The following MRPS5 variants were observed in gnomAD, a reference collection of about 807,000 sequenced individuals.
The protein encoded by MRPS5 is small ribosomal subunit protein uS5m.
In MRPS5, 27 loss-of-function variants were observed where a neutral mutation model predicts 51.9. The observed-to-expected ratio is 0.52, with a 90% CI of 0.38 to 0.72. The LOEUF (loss-of-function observed/expected upper bound fraction) is 0.72. Among genes scored for constraint, MRPS5 ranks in the 30% least tolerant of loss-of-function variants. The pLI, the probability that MRPS5 is intolerant of heterozygous loss-of-function variation, is 0.00. For missense variants in MRPS5, 570 were observed against 545.7 expected (o/e 1.04, Z -0.44); for synonymous variants, 196 against 193.2 (o/e 1.01, Z -0.12).
chr2:95,089,665 A>C (rs561333399), intron 11 of MRPS5, among the ~76,000 whole-genome samples: 2 of 152,156 alleles, frequency 1.3e-5, no homozygotes, highest in Non-Finnish European at 2.9e-5. Context: ...GGTAACAGGG[A>C]ACTGACTGTG....
Position 95,087,341 on chromosome 2 carries a change from C to T in MRPS5, c.*16G>A. Reference sequence around the variant, plus strand: ...TGCAGGGCAGCACAGGAACTGGCTGCACAAGGCCAGAGAGGTTACGTGGCG... The same window carrying T: ...TGCAGGGCAGCACAGGAACTGGCTGTACAAGGCCAGAGAGGTTACGTGGCG... On this transcript the variant is annotated 3_prime_UTR_variant, in exon 12 of 12. Transcript: ENST00000272418. The T allele has an allele frequency of 1.2e-6, 2 of 1,610,984 alleles. No individual in the cohort carries two copies. The highest frequency in any genetic ancestry group is 2.2e-5 in the East Asian group (1 of 44,864).
chr2:95,099,161 G>A (rs1392399954), intron 10 of MRPS5, among the ~76,000 whole-genome samples: 4 of 150,608 alleles, frequency 2.7e-5, no homozygotes, highest in East Asian at 1.9e-4. Flanking sequence ...CTCGTGATCC[G>A]ACCACCTCAG....
chr2:95,121,772 G>C lies in MRPS5; in HGVS notation c.20C>G (p.Ala7Gly), dbSNP rs1381814142. The change falls in exon 1 of 12, where the codon GCT becomes GGT. Residue 7 changes from alanine to glycine, a missense_variant. Ala to Gly is a moderately conservative substitution (Grantham distance 60). Transcript: ENST00000272418. Reference sequence around the variant, plus strand: ...ACACAGCACGGGGAGGCAGCCCACAGCGCGCACCGCGGTCGCCATGCTGGA... The same window carrying C: ...ACACAGCACGGGGAGGCAGCCCACACCGCGCACCGCGGTCGCCATGCTGGA... MATAVR[A>G]VGCLPVLCSG... 6.4e-7 allele frequency: 1 copy of C among 1,552,116 alleles called. No individual in the cohort carries two copies. Among genetic ancestry groups the C allele is most frequent in the Non-Finnish European group, 8.6e-7 (1 of 1,158,484 alleles).
In MRPS5 at chr2:95,090,093, C is replaced by T. The variant is rs571631542; in HGVS notation, c.1068+293G>A. On this transcript the variant is annotated intron_variant, in intron 11 of 11. Coordinates refer to ENST00000272418, the MANE Select transcript of MRPS5 (RefSeq NM_031902.5). ...TTGGGAGGCTGAGGCAGGAGAATGG[C>T]GTGAACCCGGGAGGCGGAGCTTGCA... Among the ~76,000 whole-genome samples the T allele has an allele frequency of 5.7e-5, 8 of 139,634 alleles. No homozygotes were observed. The South Asian group carries it at 9.6e-4, about 17-fold the overall frequency. 91.6% of individuals were successfully genotyped at this position (139,634 alleles called of 152,430 possible).
At chr2:95,093,582 G>C (rs1675532651) in intron 10 of MRPS5, 1 of 152,420 alleles carries the variant, frequency 6.6e-6, no homozygotes, top group Non-Finnish European at 1.5e-5. Flanking sequence ...GTGATACCCA[G>C]GCAAACAGGG....
intron 10 of MRPS5, chr2:95,092,580 TA>T (rs1675500107): frequency 6.6e-6 from 1 of 152,234 alleles, no homozygotes; most frequent in Non-Finnish European, 1.5e-5. Context: ...AAAAGTATTA[TA>T]TACTGTTTTA....
At chr2:95,110,958 G>A (rs1258380640) in intron 3 of MRPS5, among the ~76,000 whole-genome samples, 2 of 152,184 alleles carry the variant, frequency 1.3e-5, no homozygotes, top group African/African-American at 2.4e-5. Flanking sequence ...AATGCTTAGA[G>A]TTTAAAACTT....
At chr2:95,099,833 TATA>T (rs755020661) in intron 10 of MRPS5, among the ~76,000 whole-genome samples, 1 of 152,250 alleles carries the variant, frequency 6.6e-6, no homozygotes, top group African/African-American at 2.4e-5. Flanking sequence ...AAATTTTAAA[TATA>T]ATGTTTCATC....
intron 10 of MRPS5, chr2:95,092,314 A>T (rs1292350570): frequency 6.6e-6 from 1 of 152,226 alleles, no homozygotes; most frequent in Non-Finnish European, 1.5e-5. Flanking sequence ...TACATTTGGG[A>T]ACACCACACC....
In MRPS5 at chr2:95,087,128, T is replaced by TATTCATCCAAA. The variant is rs1675313818; in HGVS notation, c.*228_*229insTTTGGATGAAT. ...ATTCATTTACTTTTGTTACTTTGGA[T>TATTCATCCAAA]GAATATTTAAAGTAGTCTTGAACTG... On this transcript the variant is annotated 3_prime_UTR_variant, in exon 12 of 12. Coordinates refer to ENST00000272418, the MANE Select transcript of MRPS5 (RefSeq NM_031902.5). 2.3e-6 allele frequency: 1 copy of TATTCATCCAAA among 442,002 alleles called. No homozygotes were observed. Among genetic ancestry groups the TATTCATCCAAA allele is most frequent in the Non-Finnish European group, 4.0e-6 (1 of 251,980 alleles). 27.4% of individuals were successfully genotyped at this position (442,002 alleles called of 1,614,324 possible). A position where few individuals can be genotyped will look rare whatever the true frequency, so the allele number is the denominator to read the frequency against.
intron 11 of MRPS5, among the ~76,000 whole-genome samples, chr2:95,090,001 C>A (rs956511542): frequency 2.0e-5 from 3 of 151,180 alleles, no homozygotes; most frequent in African/African-American, 7.3e-5. Flanking sequence ...AACGGTGAAA[C>A]CCCGTCTCTA....
chr2:95,102,862 C>T (rs1558681045), intron 7 of MRPS5, among the ~76,000 whole-genome samples: 2 of 152,222 alleles, frequency 1.3e-5, no homozygotes, highest in African/African-American at 2.4e-5. Flanking sequence ...TCTGCTGCCA[C>T]TGTATTTTGT....
rs1676249565 is a variant in MRPS5, at chr2:95,115,165, A to G, written c.178T>C (p.Tyr60His). 4.3e-6 allele frequency: 7 copies of G among 1,610,044 alleles called. No individual in the cohort carries two copies. The highest frequency in any genetic ancestry group is 5.9e-6 in the Non-Finnish European group (7 of 1,179,088). Residue 60 changes from tyrosine to histidine, a missense_variant, in exon 3 of 12, where the codon TAC (tyrosine) becomes CAC (histidine). Tyr to His is a moderately conservative substitution (Grantham distance 83, BLOSUM62 2). Transcript: ENST00000272418. The stretch of plus-strand genomic sequence containing the variant: ...TGCAGTGCACGGCTCAAGCTGGCGT[A>G]GGGATGGGTGTCTCTGGTTCCCAGT... ...SSLGTRDTHP[Y>H]ASLSRALQTQ...
intron 1 of MRPS5, among the ~76,000 whole-genome samples, chr2:95,118,818 C>T (rs1359222403): frequency 6.6e-6 from 1 of 152,142 alleles, no homozygotes. Context: ...GAAGTTGGCA[C>T]CCTACCTCAC....
chr2:95,091,940 G>A (rs953946249), intron 10 of MRPS5: 1 of 152,250 alleles, frequency 6.6e-6, no homozygotes, highest in African/African-American at 2.4e-5. Flanking sequence ...CACGTGGAAG[G>A]GGGTATCATG....
Position 95,100,827 on chromosome 2 carries a change from T to C in MRPS5, c.868+10A>G. ...GCAAATTAAAAAAAAAAAAATAGAT[T>C]ATCACTCACTTGTATGGTCTTCATA... On this transcript the variant is annotated intron_variant, in intron 9 of 11. Transcript: ENST00000272418. The C allele has an allele frequency of 6.3e-7, 1 of 1,578,838 alleles. No homozygotes were observed. Among genetic ancestry groups the C allele is most frequent in the Non-Finnish European group, 8.6e-7 (1 of 1,164,114 alleles).
At chr2:95,099,799 C>T (rs376729891) in intron 10 of MRPS5, among the ~76,000 whole-genome samples, 62 of 152,132 alleles carry the variant, frequency 4.1e-4, no homozygotes, top group African/African-American at 1.3e-3. Flanking sequence ...GCTCTAGCAA[C>T]GTTGTATTAG....
intron 1 of MRPS5, 145 bp downstream of exon 1, chr2:95,121,589 G>A (rs1176924432): frequency 5.8e-6 from 5 of 869,496 alleles, no homozygotes; most frequent in Middle Eastern, 3.5e-4. Flanking sequence ...GTCACACAGC[G>A]GCTCCGGCGG....
At chr2:95,108,450 T>G in intron 4 of MRPS5, 42 bp from the exon 5 acceptor site, 1 of 1,513,274 alleles carries the variant, frequency 6.6e-7, no homozygotes. Context: ...GTTAAAGTAC[T>G]CATTTTTCAA....
Sources: allele counts gnomAD v4.1 joint callset (sites outside exome capture counted in the v4.1 genomes callset), GRCh38; gene constraint gnomAD v4.1.1; transcripts MANE v1.5; gene names NCBI Gene and HGNC (gene_info 2026-07-23, HGNC 2026-07-21).